The following LAMC3 variants were observed in gnomAD, a reference collection of about 807,000 sequenced individuals.
LAMC3 encodes the protein laminin subunit gamma-3.
Under a neutral mutation model 173.8 loss-of-function variants are expected in LAMC3, and 128 were observed. That is an observed-to-expected ratio of 0.74 (90% CI 0.64 to 0.85). LAMC3 has a LOEUF of 0.85. LAMC3 is among the 40% of genes least tolerant of loss of function. The pLI, the probability that LAMC3 is intolerant of heterozygous loss-of-function variation, is 0.00. For synonymous variants in LAMC3, 897 were observed against 909.1 expected (o/e 0.99, Z 0.24); for missense variants, 2,022 against 2,156.0 (o/e 0.94, Z 1.23).
At position 131,071,590 on chromosome 9, in the gene LAMC3, G is replaced by A. The variant is rs1830037096; in HGVS notation, c.3176G>A (p.Arg1059Lys). 1.2e-6 allele frequency: 2 copies of A among 1,604,332 alleles called. No homozygotes were observed. The highest frequency in any genetic ancestry group is 1.7e-6 in the Non-Finnish European group (2 of 1,173,626). The change falls in exon 18 of 28, where the codon AGG becomes AAG. Residue 1059 changes from arginine to lysine, a missense_variant. Coordinates refer to ENST00000361069, the MANE Select transcript of LAMC3 (RefSeq NM_006059.4). ...PLDILLGEAPRGDVYQGHHLL... is the reference protein window; with the variant it reads ...PLDILLGEAPKGDVYQGHHLL... ...GACATTCTGCTGGGAGAGGCCCCAA[G>A]GGGGGACGTCTACCAGGGCCATCAC...
intron 3 of LAMC3, among the ~76,000 whole-genome samples, chr9:131,033,046 C>T (rs1833874511): frequency 6.6e-6 from 1 of 152,112 alleles, no homozygotes; most frequent in African/African-American, 2.4e-5. Context: ...GGTCCTGGTC[C>T]TGGTCCTATG....
chr9:131,079,665 G>C (rs1365700910), intron 23 of LAMC3, among the ~76,000 whole-genome samples: 1 of 152,092 alleles, frequency 6.6e-6, no homozygotes, highest in African/African-American at 2.4e-5. Context: ...CTGCACTCCA[G>C]TCTGGCAACA....
At chr9:131,078,228 A>T (rs1830170101) in intron 22 of LAMC3, among the ~76,000 whole-genome samples, 2 of 152,186 alleles carry the variant, frequency 1.3e-5, no homozygotes, top group African/African-American at 2.4e-5. Context: ...GCGGTGGCTC[A>T]CACCTGTAAT....
At chr9:131,022,235 C>CACACACACAT (rs1833638574) in intron 1 of LAMC3, among the ~76,000 whole-genome samples, 1 of 152,092 alleles carries the variant, frequency 6.6e-6, no homozygotes, top group African/African-American at 2.4e-5. Context: ...CACACACACA[C>CACACACACAT]ACACACACAT....
rs879908360 is a variant in LAMC3 at position 131,026,023 on chromosome 9, G to A, written c.374-262G>A. On this transcript the variant is annotated intron_variant, in intron 1 of 27. Coordinates refer to ENST00000361069, the MANE Select transcript of LAMC3 (RefSeq NM_006059.4). The surrounding 1 kb of genome is among the most constrained non-coding windows in gnomAD (Gnocchi z 4.8). ...ACAGAGATGGCTGCCTCTCAGGGGTGTTGCAACGGAGATTCCTGTGCAGGG... is the reference window on the plus strand; with the variant it reads ...ACAGAGATGGCTGCCTCTCAGGGGTATTGCAACGGAGATTCCTGTGCAGGG... 5.9e-5 allele frequency among the ~76,000 whole-genome samples: 9 copies of A among 152,310 alleles called. No individual in the cohort carries two copies. The highest frequency in any genetic ancestry group is 5.2e-4 in the Admixed American group (8 of 15,302).
In LAMC3 at chr9:131,069,691, G is replaced by A. The variant is rs1231673067; in HGVS notation, c.2910G>A (p.Leu970=). The change falls in exon 17 of 28, where the codon CTG becomes CTA. Residue 970 remains leucine (L), a synonymous_variant. Transcript: ENST00000361069. ...CTCTAGCCTGCAGGTGCTCCCCACTGGGCGCTGCCTCGGCCCAGTGCCACG... is the reference window on the plus strand; with the variant it reads ...CTCTAGCCTGCAGGTGCTCCCCACTAGGCGCTGCCTCGGCCCAGTGCCACG... ...KGCRACRCSP[L]GAASAQCHEN... 3 of 1,593,506 alleles carry A rather than the reference G, an allele frequency of 1.9e-6. No homozygotes were observed. The highest frequency in any genetic ancestry group is 2.6e-6 in the Non-Finnish European group (3 of 1,171,988).
chr9:131,079,656 T>C (rs1035431496), intron 23 of LAMC3, among the ~76,000 whole-genome samples: 6 of 151,908 alleles, frequency 3.9e-5, no homozygotes, highest in African/African-American at 1.5e-4. Context: ...ATCGCGCCAC[T>C]GCACTCCAGT....
intron 13 of LAMC3, among the ~76,000 whole-genome samples, chr9:131,063,277 G>A (rs1007324285): frequency 2.6e-5 from 4 of 152,170 alleles, no homozygotes; most frequent in African/African-American, 9.7e-5. Flanking sequence ...CTCCATTCTC[G>A]TTATCTCCCT....
chr9:131,028,542 G>A (rs563085887), intron 2 of LAMC3, among the ~76,000 whole-genome samples: 2 of 152,322 alleles, frequency 1.3e-5, no homozygotes, highest in South Asian at 2.1e-4. Flanking sequence ...CGGCCGTGTC[G>A]GGGTCCCCAG....
chr9:131,049,064 C>T lies in LAMC3; in HGVS notation c.1564C>T (p.Pro522Ser), dbSNP rs869457. Residue 522 changes from proline (P) to serine (S), a missense_variant, in exon 9 of 28, where the codon CCC (proline) becomes TCC (serine). Transcript: ENST00000361069. ...CAGAAGTGTGGGGGGCTCTGAGCAC[C>T]CCCCACAATGGAGCCCAAATGGGGT... is the stretch of plus-strand genomic sequence containing the variant. ...WARSVGGSEH[P>S]PQWSPNGVLL... 0.3 allele frequency: 467,563 copies of T among 1,550,350 alleles called. 71,974 individuals carry two copies. Among genetic ancestry groups the T allele is most frequent in the Non-Finnish European group, 0.32 (363,398 of 1,145,936 alleles).
rs145283886 is a variant in LAMC3, at chr9:131,026,269, G to A, written c.374-16G>A. 1.3e-3 allele frequency: 2,075 copies of A among 1,613,902 alleles called. 18 individuals carry two copies. In the African/African-American group the frequency reaches 0.022, roughly 17 times the overall value. On this transcript the variant is annotated splice_polypyrimidine_tract_variant and intron_variant, in intron 1 of 27. Transcript: ENST00000361069. This position sits in a 1 kb window ranked among gnomAD's most constrained non-coding sequence, Gnocchi z 4.8. ...CTTCCCCTTCCATAAAATGGGCCCC[G>A]TTTTCCTGGCTGCAGGGAAGGCTTA...
chr9:131,039,937 C>T (rs1834017154), intron 6 of LAMC3, among the ~76,000 whole-genome samples: 1 of 151,050 alleles, frequency 6.6e-6, no homozygotes, highest in Non-Finnish European at 1.5e-5. Flanking sequence ...ACACATTTGC[C>T]ATCACTTGAT....
At chr9:131,035,845 C>T (rs745616560) in intron 3 of LAMC3, among the ~76,000 whole-genome samples, 13 of 152,174 alleles carry the variant, frequency 8.5e-5, no homozygotes, top group Non-Finnish European at 1.6e-4. Context: ...AGGTGGGGCT[C>T]CTCCCAGGCA....
At chr9:131,049,490 G>A (rs772638330) in intron 9 of LAMC3, among the ~76,000 whole-genome samples, 17 of 152,042 alleles carry the variant, frequency 1.1e-4, no homozygotes, top group Non-Finnish European at 2.4e-4. Flanking sequence ...TGATTGATGG[G>A]GCCCAGCTGG....
intron 8 of LAMC3, among the ~76,000 whole-genome samples, chr9:131,047,628 T>C (rs1037353333): frequency 7.6e-6 from 1 of 132,206 alleles, no homozygotes; most frequent in South Asian, 2.5e-4. Flanking sequence ...GGGGTGGGGG[T>C]GGGGGGAGCG....
At position 131,077,700 on chromosome 9, in the gene LAMC3, A is replaced by C. The variant is rs978721446; in HGVS notation, c.3777+366A>C. 6.0e-5 allele frequency among the ~76,000 whole-genome samples: 9 copies of C among 149,754 alleles called. No individual in the cohort carries two copies. In the East Asian group the frequency reaches 1.2e-3, roughly 19 times the overall value. ...TCAAAAAAAAAAAAAAAAAAAAAAA[A>C]AAAAAAAAAAAAACTATTATAGCAG... On this transcript the variant is annotated intron_variant, in intron 22 of 27. Coordinates refer to ENST00000361069, the MANE Select transcript of LAMC3 (RefSeq NM_006059.4).
At chr9:131,027,134 C>T (rs555358468) in intron 2 of LAMC3, among the ~76,000 whole-genome samples, 68 of 152,376 alleles carry the variant, frequency 4.5e-4, no homozygotes, top group African/African-American at 1.6e-3. Flanking sequence ...TGTCCCTTCC[C>T]TGGCCTCCTG....
intron 27 of LAMC3, among the ~76,000 whole-genome samples, chr9:131,091,163 T>C (rs1183261905): frequency 6.6e-6 from 1 of 152,242 alleles, no homozygotes; most frequent in African/African-American, 2.4e-5. Flanking sequence ...TGTCAGTGAA[T>C]TGAGCCAGCA....
intron 25 of LAMC3, among the ~76,000 whole-genome samples, chr9:131,086,215 A>G (rs928844390): frequency 1.3e-4 from 19 of 151,836 alleles, no homozygotes; most frequent in East Asian, 7.8e-4. Flanking sequence ...AGTGGCTGGG[A>G]TTATAGGCGT....
Sources: gnomAD v4.1 joint callset for allele counts (sites outside exome capture counted in the v4.1 genomes callset) on GRCh38, gnomAD v4.1.1 for gene constraint, Gnocchi (gnomAD v3.1) non-coding constraint, MANE v1.5 for transcripts, NCBI Gene and HGNC (gene_info 2026-07-23, HGNC 2026-07-21) for gene names.